The following IL1RL2 variants were observed in gnomAD, a reference collection of about 807,000 sequenced individuals.
The protein encoded by IL1RL2 is interleukin-1 receptor-like 2.
Under a neutral mutation model 66.8 loss-of-function variants are expected in IL1RL2, and 68 were observed. The observed-to-expected ratio is 1.02, with a 90% CI of 0.84 to 1.25. The LOEUF is 1.25. Among genes scored for constraint, IL1RL2 ranks in the 50% most tolerant of loss-of-function variants. The pLI is 0.00. For synonymous variants in IL1RL2, 305 were observed against 264.6 expected (o/e 1.15, Z -1.48); for missense variants, 729 against 709.3 (o/e 1.03, Z -0.32).
At chr2:102,196,954 A>G (rs918748238) in intron 4 of IL1RL2, among the ~76,000 whole-genome samples, 1 of 152,208 alleles carries the variant, frequency 6.6e-6, no homozygotes, top group African/African-American at 2.4e-5. Context: ...TAGTGAATAC[A>G]TTGGAAGGCC....
intron 6 of IL1RL2, among the ~76,000 whole-genome samples, chr2:102,213,023 A>G (rs1689312063): frequency 6.6e-6 from 1 of 152,200 alleles, no homozygotes; most frequent in South Asian, 2.1e-4. Context: ...AATATGTTGT[A>G]TTACATCTGA....
intron 11 of IL1RL2, among the ~76,000 whole-genome samples, chr2:102,237,519 A>T (rs958377886): frequency 6.6e-6 from 1 of 152,118 alleles, no homozygotes; most frequent in Admixed American, 6.6e-5. Context: ...GAGGGGACAG[A>T]GTGCGGAACA....
Position 102,219,101 on chromosome 2 carries a change from T to G in IL1RL2, c.854+19T>G, listed in dbSNP as rs969627404. The stretch of plus-strand genomic sequence containing the variant: ...GGGTGGAGTAGGTGTTTTGCTTTTT[T>G]GACTTCTCTAAACGCTAGCAAGGAT... On this transcript the variant is annotated intron_variant, in intron 7 of 11. Coordinates refer to ENST00000264257, the MANE Select transcript of IL1RL2 (RefSeq NM_003854.4). The G allele has an allele frequency of 6.2e-7, 1 of 1,613,582 alleles. No individual in the cohort carries two copies. Among genetic ancestry groups the G allele is most frequent in the Non-Finnish European group, 8.5e-7 (1 of 1,179,538 alleles).
chr2:102,202,142 C>T (rs1688313205), intron 5 of IL1RL2, among the ~76,000 whole-genome samples: 1 of 152,068 alleles, frequency 6.6e-6, no homozygotes, highest in South Asian at 2.1e-4. Context: ...GCTCAGAGTT[C>T]TGGATATGGT....
At position 102,226,061 on chromosome 2, in the gene IL1RL2, G is replaced by A; in HGVS notation, c.1135+20G>A. 6.5e-7 allele frequency: 1 copy of A among 1,545,554 alleles called. No individual in the cohort carries two copies. The highest frequency in any genetic ancestry group is 8.7e-7 in the Non-Finnish European group (1 of 1,148,836). On this transcript the variant is annotated intron_variant, in intron 9 of 11. Transcript: ENST00000264257. ...TAGTAGGTAAGTGTGTGTAATCACTGAAAAATGCCTCAAAATTGGTATCCT... is the reference window on the plus strand; with the variant it reads ...TAGTAGGTAAGTGTGTGTAATCACTAAAAAATGCCTCAAAATTGGTATCCT...
intron 2 of IL1RL2, among the ~76,000 whole-genome samples, chr2:102,188,587 CAAAAAA>C (rs374522339): frequency 1.1e-5 from 1 of 94,978 alleles, no homozygotes; most frequent in Non-Finnish European, 2.0e-5. Flanking sequence ...GACTCCGTCT[CAAAAAA>C]AAAAAAAAAA....
chr2:102,216,715 T>C (rs1267285547), intron 6 of IL1RL2, among the ~76,000 whole-genome samples: 1 of 152,138 alleles, frequency 6.6e-6, no homozygotes, highest in East Asian at 1.9e-4. Context: ...AAGCTTTGAT[T>C]CCTTTCTCTT....
intron 4 of IL1RL2, among the ~76,000 whole-genome samples, chr2:102,196,783 G>T (rs1355171575): frequency 6.6e-6 from 1 of 152,166 alleles, no homozygotes; most frequent in Non-Finnish European, 1.5e-5. Context: ...AAAGAGAATG[G>T]TGTTTGGGGG....
Position 102,187,100 on chromosome 2 carries a change from C to T in IL1RL2, c.-13+14C>T, listed in dbSNP as rs777451471. The T allele has an allele frequency of 3.9e-6, 5 of 1,289,742 alleles. No homozygotes were observed. Among genetic ancestry groups the T allele is most frequent in the Middle Eastern group, 2.1e-4 (1 of 4,692 alleles). The allele number at this position is 1,289,742 out of a possible 1,614,324, so 79.9% of individuals were successfully genotyped here. A position where few individuals can be genotyped will look rare whatever the true frequency, so the allele number is the denominator to read the frequency against. ...TCCTGCAGGCAGGTAGACACCGGGC[C>T]GGGAGTCTGGCTGAGCCAGGCATGG... On this transcript the variant is annotated intron_variant, in intron 1 of 11. Transcript: ENST00000264257.
chr2:102,197,360 G>A (rs1578106316), intron 4 of IL1RL2, among the ~76,000 whole-genome samples: 1 of 152,158 alleles, frequency 6.6e-6, no homozygotes, highest in African/African-American at 2.4e-5. Flanking sequence ...TGATGGACAC[G>A]TGAATCCAGG....
chr2:102,213,081 G>C (rs1689317382), intron 6 of IL1RL2, among the ~76,000 whole-genome samples: 1 of 152,002 alleles, frequency 6.6e-6, no homozygotes, highest in African/African-American at 2.4e-5. Flanking sequence ...AAAATAGAAA[G>C]TTTTATGTGT....
chr2:102,231,355 G>A lies in IL1RL2; in HGVS notation c.1136-1608G>A, dbSNP rs1001162789. 3.3e-5 allele frequency among the ~76,000 whole-genome samples: 5 copies of A among 152,064 alleles called. No homozygotes were observed. The East Asian group carries it at 5.8e-4, about 18-fold the overall frequency. On this transcript the variant is annotated intron_variant, in intron 9 of 11. Coordinates refer to ENST00000264257, the MANE Select transcript of IL1RL2 (RefSeq NM_003854.4). ...TCTGCTAAAAGTACAAAAATTAGCC[G>A]GGCCTGGTGGCGGGCGCCTATAATC...
intron 6 of IL1RL2, among the ~76,000 whole-genome samples, chr2:102,218,319 C>T (rs1215730216): frequency 1.3e-5 from 2 of 152,060 alleles, no homozygotes; most frequent in Admixed American, 6.6e-5. Flanking sequence ...ATAAAGAACA[C>T]TCCTTGAATG....
At chr2:102,237,372 C>T (rs909824949) in intron 11 of IL1RL2, among the ~76,000 whole-genome samples, 1 of 152,202 alleles carries the variant, frequency 6.6e-6, no homozygotes, top group Non-Finnish European at 1.5e-5. Flanking sequence ...CAGGGGGTTT[C>T]CTGGCGTGGC....
At chr2:102,209,174 G>A (rs948570030) in intron 5 of IL1RL2, among the ~76,000 whole-genome samples, 3 of 152,174 alleles carry the variant, frequency 2.0e-5, no homozygotes, top group African/African-American at 7.2e-5. Flanking sequence ...TTTATGATCT[G>A]TTATATGCCA....
intron 4 of IL1RL2, among the ~76,000 whole-genome samples, chr2:102,200,027 C>T (rs56117350): frequency 0.28 from 42,340 of 149,892 alleles, 6,566 homozygotes; most frequent in East Asian, 0.39. Context: ...TGTGGTGGCA[C>T]GTACCTGTAG....
intron 4 of IL1RL2, among the ~76,000 whole-genome samples, chr2:102,195,618 TTTC>T (rs1687660148): frequency 1.2e-4 from 2 of 16,370 alleles, no homozygotes; most frequent in African/African-American, 3.4e-4. Flanking sequence ...TCTTTCTTTC[TTTC>T]TTTCTTTCTC....
At chr2:102,219,855 T>C (rs1025339119) in intron 7 of IL1RL2, 26 bp from the exon 8 acceptor site, 4 of 1,586,840 alleles carry the variant, frequency 2.5e-6, no homozygotes, top group Non-Finnish European at 8.6e-7. Context: ...ACTCATGTAT[T>C]AATGACTTAC....
intron 2 of IL1RL2, 106 bp downstream of exon 2, chr2:102,188,031 C>G: frequency 9.2e-7 from 1 of 1,085,996 alleles, no homozygotes; most frequent in Non-Finnish European, 1.4e-6. Flanking sequence ...GCGGCTCCTT[C>G]CCCTCCCCAG....
Sources: allele counts gnomAD v4.1 joint callset (sites outside exome capture counted in the v4.1 genomes callset), GRCh38; gene constraint gnomAD v4.1.1; transcripts MANE v1.5; gene names NCBI Gene and HGNC (gene_info 2026-07-23, HGNC 2026-07-21).